The following SFXN5 variants were observed in gnomAD, a reference collection of about 807,000 sequenced individuals.
SFXN5 encodes sideroflexin 5, also known as sideroflexin-5.
A neutral mutation model predicts 50.2 loss-of-function variants in SFXN5; 43 were observed. That is an observed-to-expected ratio of 0.86 (90% CI 0.67 to 1.11). SFXN5 has a LOEUF of 1.11. SFXN5 is among the 50% of genes least tolerant of loss of function. The pLI is 0.00. For synonymous variants in SFXN5, 203 were observed against 185.8 expected, an observed-to-expected ratio of 1.09 and a Z score of -0.75; for missense variants, 463 against 454.1, an observed-to-expected ratio of 1.02 and a Z score of -0.18.
chr2:72,951,135 A>C (rs1365749204), intron 13 of SFXN5, among the ~76,000 whole-genome samples: 1 of 152,112 alleles, frequency 6.6e-6, no homozygotes, highest in Non-Finnish European at 1.5e-5. Flanking sequence ...CCGCCACAGA[A>C]GTGGGCTGCC....
In SFXN5 at chr2:72,943,867, C is replaced by G. The variant is rs1671669639; in HGVS notation, c.*1155G>C. Reference sequence around the variant, plus strand: ...TTGCTGGAGGAGCCAGTGGGAACCCCTTGATCCAGTCTTCTGGTTTCAGAC... The same window carrying G: ...TTGCTGGAGGAGCCAGTGGGAACCCGTTGATCCAGTCTTCTGGTTTCAGAC... On this transcript the variant is annotated 3_prime_UTR_variant, in exon 14 of 14. Coordinates refer to ENST00000272433, the MANE Select transcript of SFXN5 (RefSeq NM_144579.3). The G allele has an allele frequency of 6.6e-6, 1 of 152,336 alleles. No homozygotes were observed. The highest frequency in any genetic ancestry group is 1.5e-5 in the Non-Finnish European group (1 of 68,072). 9.4% of individuals were successfully genotyped at this position (152,336 alleles called of 1,614,324 possible).
intron 8 of SFXN5, among the ~76,000 whole-genome samples, chr2:72,999,280 T>C (rs776693973): frequency 3.9e-5 from 6 of 152,154 alleles, no homozygotes; most frequent in East Asian, 1.9e-4. Context: ...CAGACAGTGC[T>C]GGGTGGAGGT....
intron 10 of SFXN5, among the ~76,000 whole-genome samples, chr2:72,985,359 AG>A (rs1342807522): frequency 3.9e-5 from 6 of 152,098 alleles, no homozygotes; most frequent in African/African-American, 1.4e-4. Context: ...TACTCTGGCC[AG>A]GGGTACCTGG....
chr2:72,961,736 G>A lies in SFXN5; in HGVS notation c.828-488C>T, dbSNP rs1363643213. 1.3e-5 allele frequency among the ~76,000 whole-genome samples: 2 copies of A among 152,340 alleles called. No individual in the cohort carries two copies. Among genetic ancestry groups the A allele is most frequent in the East Asian group, 3.9e-4 (2 of 5,184 alleles). ...CATACATATGGGCACACGCCAGCCA[G>A]GAGGGGGTGATCCTCCTCTATGTGT... On this transcript the variant is annotated intron_variant, in intron 12 of 13. Transcript: ENST00000272433. This position sits in a 1 kb window ranked among gnomAD's most constrained non-coding sequence, Gnocchi z 4.4.
At chr2:73,053,017 A>G (rs541152631) in intron 2 of SFXN5, among the ~76,000 whole-genome samples, 1 of 152,172 alleles carries the variant, frequency 6.6e-6, no homozygotes, top group Non-Finnish European at 1.5e-5. Context: ...GTCTCTACAA[A>G]AATACAAAAA....
intron 3 of SFXN5, among the ~76,000 whole-genome samples, chr2:73,025,320 C>T (rs997199433): frequency 6.6e-6 from 1 of 152,120 alleles, no homozygotes; most frequent in Non-Finnish European, 1.5e-5. Context: ...TCTGCATCCT[C>T]CCACCTCTGG....
chr2:73,028,455 G>A (rs562287168), intron 3 of SFXN5, among the ~76,000 whole-genome samples: 1 of 152,316 alleles, frequency 6.6e-6, no homozygotes, highest in East Asian at 1.9e-4. Flanking sequence ...CATGCATCAA[G>A]TTGTGAGGCA....
chr2:72,956,942 C>T (rs1396983845), intron 13 of SFXN5: 1 of 445,108 alleles, frequency 2.2e-6, no homozygotes, highest in Admixed American at 2.4e-5. Context: ...AGCTATGCCA[C>T]CTAAGTCTCC....
intron 6 of SFXN5, among the ~76,000 whole-genome samples, chr2:73,011,617 A>T (rs1402172258): frequency 6.6e-6 from 1 of 152,182 alleles, no homozygotes; most frequent in Non-Finnish European, 1.5e-5. Context: ...GTGAACAGGT[A>T]ATTCAGAGAA....
intron 8 of SFXN5, among the ~76,000 whole-genome samples, chr2:73,000,062 ATGGGAATTT>A (rs1047200363): frequency 1.3e-5 from 2 of 152,204 alleles, no homozygotes; most frequent in African/African-American, 4.8e-5. Flanking sequence ...AGGAAGCTTT[ATGGGAATTT>A]TGCCCCCAAG....
At chr2:73,002,883 C>T (rs1674096529) in intron 6 of SFXN5, among the ~76,000 whole-genome samples, 1 of 152,170 alleles carries the variant, frequency 6.6e-6, no homozygotes, top group Admixed American at 6.5e-5. Flanking sequence ...TCAGCTCCAT[C>T]CCCATGTGAT....
intron 3 of SFXN5, among the ~76,000 whole-genome samples, chr2:73,027,624 G>C (rs61161134): frequency 0.34 from 51,839 of 152,024 alleles, 10,683 homozygotes; most frequent in African/African-American, 0.57. Context: ...AAGCTCCATT[G>C]ATGGTAAGTG....
chr2:72,981,922 G>T (rs1172515184), intron 10 of SFXN5, among the ~76,000 whole-genome samples: 1 of 152,006 alleles, frequency 6.6e-6, no homozygotes, highest in African/African-American at 2.4e-5. Context: ...TATCGAATGG[G>T]TTTCATCCTC....
At chr2:73,009,237 C>CT (rs1675170714) in intron 6 of SFXN5, among the ~76,000 whole-genome samples, 5 of 152,372 alleles carry the variant, frequency 3.3e-5, no homozygotes, top group Middle Eastern at 3.4e-3. Context: ...CTTCACTCCC[C>CT]TTCAGACCAG....
At chr2:73,047,307 ATGTGTGTG>A (rs1168959441) in intron 2 of SFXN5, among the ~76,000 whole-genome samples, 1 of 68,230 alleles carries the variant, frequency 1.5e-5, no homozygotes, top group South Asian at 5.8e-4. Context: ...TAAAATATAT[ATGTGTGTG>A]TATGTATATA....
chr2:73,062,191 G>A (rs1221155400), intron 1 of SFXN5, among the ~76,000 whole-genome samples: 1 of 152,114 alleles, frequency 6.6e-6, no homozygotes, highest in African/African-American at 2.4e-5. Context: ...GAAGGACATG[G>A]GCTATTGAAT....
intron 6 of SFXN5, among the ~76,000 whole-genome samples, chr2:73,016,693 G>T (rs1375761083): frequency 1.3e-5 from 2 of 152,148 alleles, no homozygotes; most frequent in African/African-American, 4.8e-5. Context: ...GACAGAGTGA[G>T]ACTCTGTCTA....
At chr2:73,039,467 T>C (rs890083110) in intron 3 of SFXN5, among the ~76,000 whole-genome samples, 2 of 152,234 alleles carry the variant, frequency 1.3e-5, no homozygotes, top group African/African-American at 4.8e-5. Flanking sequence ...ATGTTATTTC[T>C]ATAATTGTAA....
At position 72,943,199 on chromosome 2, in the gene SFXN5, A is replaced by C. The variant is rs1326862112; in HGVS notation, c.*1823T>G. 1 of 152,244 alleles carries C rather than the reference A, an allele frequency of 6.6e-6. No individual in the cohort carries two copies. The highest frequency in any genetic ancestry group is 1.5e-5 in the Non-Finnish European group (1 of 68,054). 9.4% of individuals were successfully genotyped at this position (152,244 alleles called of 1,614,324 possible). Reference sequence around the variant, plus strand: ...GGCCCCTCAGGGCAATGTGCTGCAGAGCCAGCTGGTGGGCACCAGCGGCTG... The same window carrying C: ...GGCCCCTCAGGGCAATGTGCTGCAGCGCCAGCTGGTGGGCACCAGCGGCTG... On this transcript the variant is annotated 3_prime_UTR_variant, in exon 14 of 14. Coordinates refer to ENST00000272433, the MANE Select transcript of SFXN5 (RefSeq NM_144579.3).
Sources: allele counts gnomAD v4.1 joint callset (sites outside exome capture counted in the v4.1 genomes callset), GRCh38; gene constraint gnomAD v4.1.1; non-coding constraint Gnocchi (gnomAD v3.1); transcripts MANE v1.5; gene names NCBI Gene and HGNC (gene_info 2026-07-23, HGNC 2026-07-21).